Variants in CTNND2 observed in about 807,000 individuals in gnomAD.
CTNND2 encodes the protein catenin delta-2.
In CTNND2, 22 loss-of-function variants were observed where a neutral mutation model predicts 144.4. The ratio of observed to expected loss-of-function variants is 0.15; its 90% CI spans 0.11 to 0.22. CTNND2 has a LOEUF of 0.22. CTNND2 is among the 10% of genes least tolerant of loss of function. The pLI is 1.00. For synonymous variants in CTNND2, 751 were observed against 695.6 expected (o/e 1.08, Z -1.25); for missense variants, 1,353 against 1,618.8 (o/e 0.84, Z 2.82).
Position 11,529,987 on chromosome 5 carries a change from TG to T in CTNND2, c.287+34956del, listed in dbSNP as rs200034906. Among the ~76,000 whole-genome samples the T allele has an allele frequency of 3.3e-3, 507 of 151,502 alleles. 3 individuals carry two copies. The highest frequency in any genetic ancestry group is 0.011 in the African/African-American group (468 of 41,224). On this transcript the variant is annotated intron_variant, in intron 3 of 21. Transcript: ENST00000304623. ...ATGCTATAAGATTGCTTTTTAAAGC[TG>T]TACTTTTTCTGAGCTTCAGGCAATA...
chr5:11,544,220 G>A (rs1278163710), intron 3 of CTNND2, among the ~76,000 whole-genome samples: 1 of 151,134 alleles, frequency 6.6e-6, no homozygotes, highest in African/African-American at 2.4e-5. Flanking sequence ...TGTCTCCCAG[G>A]CTGGAGTGCA....
chr5:11,493,620 T>C (rs1228482851), intron 3 of CTNND2, among the ~76,000 whole-genome samples: 1 of 152,228 alleles, frequency 6.6e-6, no homozygotes, highest in Non-Finnish European at 1.5e-5. Flanking sequence ...AAGTCATGTA[T>C]ACTGGGCTGT....
chr5:11,638,519 A>C (rs1186593238), intron 2 of CTNND2, among the ~76,000 whole-genome samples: 1 of 152,194 alleles, frequency 6.6e-6, no homozygotes, highest in Non-Finnish European at 1.5e-5. Context: ...TTAAATTAAA[A>C]ATATGTTTCC....
At chr5:11,037,400 AAC>A (rs1412505491) in intron 16 of CTNND2, among the ~76,000 whole-genome samples, 5 of 152,332 alleles carry the variant, frequency 3.3e-5, no homozygotes, top group African/African-American at 9.6e-5. Context: ...AAAGGACTCT[AAC>A]AAGTTCTTTC....
At chr5:11,503,986 C>T (rs994968277) in intron 3 of CTNND2, among the ~76,000 whole-genome samples, 1 of 152,146 alleles carries the variant, frequency 6.6e-6, no homozygotes, top group East Asian at 1.9e-4. Flanking sequence ...TATATTAAAT[C>T]AGCATTTCCA....
At chr5:11,190,275 T>C (rs61751808) in intron 11 of CTNND2, among the ~76,000 whole-genome samples, 5 of 152,270 alleles carry the variant, frequency 3.3e-5, no homozygotes, top group African/African-American at 1.2e-4. Context: ...CCCTGAGAGG[T>C]AGAGGAACTT....
At chr5:11,089,122 A>G (rs185514482) in intron 15 of CTNND2, among the ~76,000 whole-genome samples, 176 of 152,368 alleles carry the variant, frequency 1.2e-3, no homozygotes, top group African/African-American at 4.0e-3. Flanking sequence ...AACAGCTATC[A>G]GCCTGGGTGA....
intron 3 of CTNND2, among the ~76,000 whole-genome samples, chr5:11,425,189 G>A (rs139763620): frequency 2.6e-5 from 4 of 152,214 alleles, no homozygotes; most frequent in African/African-American, 4.8e-5. Context: ...TGCATACTAC[G>A]TGAGTTCAGG....
intron 3 of CTNND2, among the ~76,000 whole-genome samples, chr5:11,503,398 A>G (rs572346442): frequency 1.1e-4 from 17 of 152,348 alleles, no homozygotes; most frequent in African/African-American, 3.8e-4. Flanking sequence ...CTTGTTCTCA[A>G]TTGAAAGATC....
Position 11,384,225 on chromosome 5 carries a change from C to T in CTNND2, c.1177+440G>A, listed in dbSNP as rs1342316803. The stretch of plus-strand genomic sequence containing the variant: ...ATTGAAAACTATGTAAGCTGAACGT[C>T]TAATTTGAGAAAATCCCTTACTTTT... On this transcript the variant is annotated intron_variant, in intron 7 of 21. Transcript: ENST00000304623. The surrounding 1 kb of genome is among the most constrained non-coding windows in gnomAD (Gnocchi z 5.2). Among the ~76,000 whole-genome samples the T allele has an allele frequency of 3.9e-5, 6 of 152,186 alleles. No individual in the cohort carries two copies. Among genetic ancestry groups the T allele is most frequent in the Non-Finnish European group, 8.8e-5 (6 of 68,030 alleles).
chr5:11,517,864 T>C (rs1203236333), intron 3 of CTNND2, among the ~76,000 whole-genome samples: 3 of 152,052 alleles, frequency 2.0e-5, no homozygotes, highest in African/African-American at 7.2e-5. Flanking sequence ...TTCAGCAAAG[T>C]TGAAGTACAC....
intron 16 of CTNND2, among the ~76,000 whole-genome samples, chr5:11,059,174 A>T (rs1226485650): frequency 6.6e-6 from 1 of 152,142 alleles, no homozygotes; most frequent in Admixed American, 6.5e-5. Context: ...TATGAGATTT[A>T]GGAGGGGCCA....
chr5:11,017,582 C>CCATATATATATATA (rs1476902319), intron 18 of CTNND2, among the ~76,000 whole-genome samples: 5 of 75,782 alleles, frequency 6.6e-5, no homozygotes, highest in African/African-American at 4.3e-4. Context: ...ATATATCTTT[C>CCATATATATATATA]CATATATATA....
At chr5:10,994,228 G>A (rs1739028847) in intron 18 of CTNND2, among the ~76,000 whole-genome samples, 2 of 122,038 alleles carry the variant, frequency 1.6e-5, no homozygotes, top group South Asian at 3.2e-4. Flanking sequence ...GGGGATAGAC[G>A]AGCAGGGGCG....
At position 11,397,251 on chromosome 5, in the gene CTNND2, A is replaced by G. The variant is rs753669951; in HGVS notation, c.440-48T>C. 9 of 1,525,842 alleles carry G rather than the reference A, an allele frequency of 5.9e-6. No homozygotes were observed. In the South Asian group the frequency reaches 1.0e-4, roughly 18 times the overall value. The allele number at this position is 1,525,842 out of a possible 1,614,324, so 94.5% of individuals were successfully genotyped here. On this transcript the variant is annotated intron_variant, in intron 5 of 21. Coordinates refer to ENST00000304623, the MANE Select transcript of CTNND2 (RefSeq NM_001332.4). ...CAGTCAGTGACAGTCTCAGTGAAGC[A>G]GAAATGACATGTATTATTTATTGAG...
chr5:11,301,699 T>G (rs1465203), intron 9 of CTNND2, among the ~76,000 whole-genome samples: 2 of 152,138 alleles, frequency 1.3e-5, no homozygotes, highest in Non-Finnish European at 2.9e-5. Flanking sequence ...AGACAGGGAA[T>G]GGGTGAAAAC....
At position 11,117,421 on chromosome 5, in the gene CTNND2, C is replaced by T. The variant is rs372675420; in HGVS notation, c.2277+29G>A. 6.0e-5 allele frequency: 94 copies of T among 1,557,436 alleles called. No homozygotes were observed. In the African/African-American group the frequency reaches 1.1e-3, roughly 18 times the overall value. On this transcript the variant is annotated intron_variant, in intron 13 of 21. Transcript: ENST00000304623. ...TCCCGTGGGAGTCTTTATTCTCAAA[C>T]ATGTTTAATCTATGCCAGCACAACC...
At chr5:11,641,830 G>GTGTA (rs765693333) in intron 2 of CTNND2, among the ~76,000 whole-genome samples, 6 of 149,108 alleles carry the variant, frequency 4.0e-5, no homozygotes, top group Non-Finnish European at 5.9e-5. Context: ...ATACGTATAT[G>GTGTA]TGTATGTATG....
chr5:11,096,791 GAGAGAGAGAGAC>G (rs1415211941), intron 15 of CTNND2, among the ~76,000 whole-genome samples: 1 of 147,958 alleles, frequency 6.8e-6, no homozygotes. Context: ...GAGGGAGGAA[GAGAGAGAGAGAC>G]AGAGAGAGAG....
Sources: gnomAD v4.1 joint callset for allele counts (sites outside exome capture counted in the v4.1 genomes callset) on GRCh38, gnomAD v4.1.1 for gene constraint, Gnocchi (gnomAD v3.1) non-coding constraint, MANE v1.5 for transcripts, NCBI Gene and HGNC (gene_info 2026-07-23, HGNC 2026-07-21) for gene names.